Variants in AGRN observed in about 807,000 individuals in gnomAD.
The protein encoded by AGRN is agrin, also known as agrin proteoglycan.
A neutral mutation model predicts 211.0 loss-of-function variants in AGRN; 106 were observed. The observed-to-expected ratio is 0.50, with a 90% CI of 0.43 to 0.59. The LOEUF (loss-of-function observed/expected upper bound fraction) is 0.59, where lower values mean the gene tolerates loss of function less well. AGRN is among the 20% of genes least tolerant of loss of function. AGRN has a pLI of 0.00. For synonymous variants in AGRN, 1,525 were observed against 1,332.5 expected (o/e 1.14, Z -3.15); for missense variants, 3,040 against 2,982.6 (o/e 1.02, Z -0.45).
At chr1:1,047,143 T>C in intron 19 of AGRN, 184 bp from the exon 20 acceptor site, 1 of 1,342,424 alleles carries the variant, frequency 7.4e-7, no homozygotes, top group Non-Finnish European at 1.0e-6. Flanking sequence ...TGTGGCACAC[T>C]GCTCTGAGGA....
Position 1,043,583 on chromosome 1 carries a change from C to T in AGRN, c.1649C>T (p.Thr550Ile), listed in dbSNP as rs1213071626. The T allele has an allele frequency of 1.9e-6, 3 of 1,605,118 alleles. No individual in the cohort carries two copies. The highest frequency in any genetic ancestry group is 8.5e-7 in the Non-Finnish European group (1 of 1,179,794). ...CRFGALCEAE[T>I]GRCVCPSECV... ...TTTGGAGCCCTGTGCGAGGCCGAGACCGGGCGCTGCGTGTGCCCCTCTGAA... is the reference window on the plus strand; with the variant it reads ...TTTGGAGCCCTGTGCGAGGCCGAGATCGGGCGCTGCGTGTGCCCCTCTGAA... The change falls in exon 9 of 36, where the codon ACC becomes ATC. Residue 550 changes from threonine (T) to isoleucine (I), a missense_variant. Thr to Ile is a moderately conservative substitution (Grantham distance 89, BLOSUM62 -1). Around this residue, in one of 3 missense-constraint regions of AGRN, gnomAD observed 1,498 missense variants for 1,457.8 expected, o/e 1.03. Transcript: ENST00000379370.
Position 1,041,591 on chromosome 1 carries a change from G to T in AGRN, c.1066G>T (p.Val356Leu), listed in dbSNP as rs868214586. The change falls in exon 6 of 36, where the codon GTG becomes TTG. Residue 356 changes from valine to leucine, a missense_variant. Coordinates refer to ENST00000379370, the MANE Select transcript of AGRN (RefSeq NM_198576.4). Reference protein sequence around the residue: ...PESCPARQAPVCGDDGVTYEN... With the variant: ...PESCPARQAPLCGDDGVTYEN... The stretch of plus-strand genomic sequence containing the variant: ...GAGCTGCCCTGCCCGGCAGGCGCCA[G>T]TGTGTGGGGACGACGGAGTCACCTA... 4 of 1,611,170 alleles carry T rather than the reference G, an allele frequency of 2.5e-6. No individual in the cohort carries two copies. The Middle Eastern group carries it at 6.6e-4, about 266-fold the overall frequency.
chr1:1,027,390 A>C (rs1644543916), intron 2 of AGRN, among the ~76,000 whole-genome samples: 2 of 152,160 alleles, frequency 1.3e-5, no homozygotes, highest in Admixed American at 1.3e-4. Flanking sequence ...CTGGTGCTGC[A>C]GGTGTGAGGC....
intron 33 of AGRN, chr1:1,053,516 T>A (rs1229335299): frequency 6.5e-7 from 1 of 1,527,684 alleles, no homozygotes; most frequent in South Asian, 1.2e-5. Context: ...CAGCAGTGCC[T>A]GCAGACCCCT....
intron 19 of AGRN, 50 bp downstream of exon 19, chr1:1,047,007 C>T (rs926101338): frequency 1.0e-5 from 16 of 1,551,906 alleles, no homozygotes; most frequent in Middle Eastern, 2.0e-4. Flanking sequence ...TGGGCTCGGC[C>T]GAGGTGCTGC....
At position 1,020,264 on chromosome 1, in the gene AGRN, G is replaced by T. The variant is rs2100555629; in HGVS notation, c.92G>T (p.Cys31Phe). ...ACVLPGAGGTCPERALERREE... is the reference protein window; with the variant it reads ...ACVLPGAGGTFPERALERREE... ...GTCCTGCCCGGAGCCGGCGGGACAT[G>T]CCCGGAGCGCGCGCTGGAGCGGCGC... The change falls in exon 1 of 36, where the codon TGC (cysteine) becomes TTC (phenylalanine). Residue 31 changes from cysteine to phenylalanine, a missense_variant. By Grantham distance (205) the Cys-to-Phe change is radical. Transcript: ENST00000379370. The T allele has an allele frequency of 2.7e-6, 4 of 1,467,160 alleles. No individual in the cohort carries two copies. The highest frequency in any genetic ancestry group is 3.6e-6 in the Non-Finnish European group (4 of 1,109,586). 90.9% of individuals were successfully genotyped at this position (1,467,160 alleles called of 1,614,324 possible).
rs201286940 is a variant in AGRN at position 1,050,536 on chromosome 1, C to T, written c.5086C>T (p.Arg1696Trp). The T allele has an allele frequency of 2.5e-5, 41 of 1,612,536 alleles. No homozygotes were observed. The highest frequency in any genetic ancestry group is 5.5e-5 in the South Asian group (5 of 91,066). ...GKGDFVSLAL[R>W]DRRLEFRYDL... is the part of the protein sequence containing the mutation. The stretch of plus-strand genomic sequence containing the variant: ...GGGGGACTTCGTGTCGCTGGCACTG[C>T]GGGACCGCCGCCTGGAGTTCCGCTA... Residue 1696 changes from arginine to tryptophan, a missense_variant, in exon 29 of 36, where the codon CGG (arginine) becomes TGG (tryptophan). This residue lies in a region of AGRN where 1,537 missense variants were observed against 1,505.0 expected (regional missense o/e 1.02). Coordinates refer to ENST00000379370, the MANE Select transcript of AGRN (RefSeq NM_198576.4).
At chr1:1,047,516 C>T (rs1210139034) in intron 20 of AGRN, 57 bp from the exon 21 acceptor site, 2 of 1,612,854 alleles carry the variant, frequency 1.2e-6, no homozygotes, top group Non-Finnish European at 1.7e-6. Context: ...CCCAGAGCAG[C>T]ACCAGGGCAG....
At position 1,031,338 on chromosome 1, in the gene AGRN, G is replaced by A. The variant is rs879905181; in HGVS notation, c.464-3939G>A. 2.6e-5 allele frequency among the ~76,000 whole-genome samples: 4 copies of A among 152,152 alleles called. No individual in the cohort carries two copies. The highest frequency in any genetic ancestry group is 6.5e-5 in the Admixed American group (1 of 15,274). ...GCTGTGAGTGTGAGATCAGGGACCA[G>A]GGGGCTAGTACTCTTTCCTGCACAT... On this transcript the variant is annotated intron_variant, in intron 2 of 35. Transcript: ENST00000379370. This position sits in a 1 kb window ranked among gnomAD's most constrained non-coding sequence, Gnocchi z 4.8.
Position 1,037,922 on chromosome 1 carries a change from C to T in AGRN, c.511+2598C>T, listed in dbSNP as rs1644839007. On this transcript the variant is annotated intron_variant, in intron 3 of 35. Transcript: ENST00000379370. The stretch of plus-strand genomic sequence containing the variant: ...ACGTGCACCTGTCTTCAGGTGATCT[C>T]GTGTGGAGCCTCTATGATCCCCTAG... Among the ~76,000 whole-genome samples the T allele has an allele frequency of 2.0e-5, 3 of 152,162 alleles. No homozygotes were observed. In the South Asian group the frequency reaches 6.2e-4, roughly 32 times the overall value.
At position 1,054,069 on chromosome 1, in the gene AGRN, C is replaced by T. The variant is rs148377856; in HGVS notation, c.5876+92C>T. ...TGTCCAGTCACTTGTGACCAGGGGT[C>T]AGGGAGGACACGCCTTGCTGCCTGA... On this transcript the variant is annotated intron_variant, in intron 34 of 35. Transcript: ENST00000379370. 520 of 1,374,918 alleles carry T rather than the reference C, an allele frequency of 3.8e-4. 4 individuals carry two copies. The African/African-American group carries it at 6.5e-3, about 17-fold the overall frequency. The allele number at this position is 1,374,918 out of a possible 1,614,324, so 85.2% of individuals were successfully genotyped here. A position where few individuals can be genotyped will look rare whatever the true frequency, so the allele number is the denominator to read the frequency against.
At position 1,049,649 on chromosome 1, in the gene AGRN, G is replaced by T. The variant is rs747516561; in HGVS notation, c.4598G>T (p.Gly1533Val). 6.3e-7 allele frequency: 1 copy of T among 1,584,250 alleles called. No homozygotes were observed. The highest frequency in any genetic ancestry group is 1.1e-5 in the South Asian group (1 of 87,386). The change falls in exon 26 of 36, where the codon GGC (glycine) becomes GTC (valine). Residue 1533 changes from glycine to valine, a missense_variant. Physicochemically the swap from Gly to Val is moderately radical, Grantham distance 109. Transcript: ENST00000379370. ...LDVNNQRLEL[G>V]IGPGAATRGS... ...GTCAACAACCAGCGCCTGGAGCTTG[G>T]CATTGGGCCGGGGGCTGCCACCCGA... is the stretch of plus-strand genomic sequence containing the variant.
chr1:1,022,938 G>C (rs1415214490), intron 2 of AGRN, among the ~76,000 whole-genome samples: 1 of 152,264 alleles, frequency 6.6e-6, no homozygotes, highest in Non-Finnish European at 1.5e-5. Flanking sequence ...ATTTGCCATC[G>C]TGAGGTCTTG....
chr1:1,045,345 C>T lies in AGRN; in HGVS notation c.2372-14C>T, dbSNP rs1049480310. On this transcript the variant is annotated splice_polypyrimidine_tract_variant and intron_variant, in intron 13 of 35. Transcript: ENST00000379370. ...TGTGCGGCCACGTGACCTTGTCCTG[C>T]CCTGGCCTTTCAGGTGCCTGCCAGT... 7 of 1,611,914 alleles carry T rather than the reference C, an allele frequency of 4.3e-6. No homozygotes were observed. Among genetic ancestry groups the T allele is most frequent in the Middle Eastern group, 1.7e-4 (1 of 6,060 alleles).
At chr1:1,024,574 G>A (rs948633234) in intron 2 of AGRN, among the ~76,000 whole-genome samples, 2 of 152,048 alleles carry the variant, frequency 1.3e-5, no homozygotes, top group African/African-American at 4.8e-5. Context: ...TGGAGACAAA[G>A]GCCCCTCCGA....
chr1:1,055,523 A>G lies in AGRN; in HGVS notation c.*542A>G, dbSNP rs1177410344. 2 of 211,088 alleles carry G rather than the reference A, an allele frequency of 9.5e-6. No individual in the cohort carries two copies. Among genetic ancestry groups the G allele is most frequent in the African/African-American group, 2.3e-5 (1 of 43,040 alleles). 13.1% of individuals were successfully genotyped at this position (211,088 alleles called of 1,614,324 possible). On this transcript the variant is annotated 3_prime_UTR_variant, in exon 36 of 36. Coordinates refer to ENST00000379370, the MANE Select transcript of AGRN (RefSeq NM_198576.4). ...CTCCCGTGCTGCCTGCGCCAGCCCC[A>G]GGCTGCTGAGGAGCAGAGGCCAGAC...
At chr1:1,044,535 CT>C in intron 12 of AGRN, 96 bp downstream of exon 12, 1 of 1,273,864 alleles carries the variant, frequency 7.9e-7, no homozygotes, top group Non-Finnish European at 1.1e-6. Flanking sequence ...CGTTGGGCCC[CT>C]GTGGACGTGT....
In AGRN at chr1:1,043,593, C is replaced by T. The variant is rs541915367; in HGVS notation, c.1659C>T (p.Cys553=). Residue 553 remains cysteine, a synonymous_variant, in exon 9 of 36, where the codon TGC becomes TGT. Transcript: ENST00000379370. ...GALCEAETGR[C]VCPSECVALA... is the part of the protein sequence containing the mutation. ...TGTGCGAGGCCGAGACCGGGCGCTG[C>T]GTGTGCCCCTCTGAATGCGTGGCTT... 128 of 1,605,068 alleles carry T rather than the reference C, an allele frequency of 8.0e-5. 1 individual carries two copies. The South Asian group carries it at 1.1e-3, about 14-fold the overall frequency.
rs538209094 is a variant in AGRN at position 1,055,759 on chromosome 1, T to C, written c.*778T>C. ...TGATTTTATTTGACCCCTGGAGTGG[T>C]GGGTCTCATCTTTCCCATCTCGCCT... On this transcript the variant is annotated 3_prime_UTR_variant, in exon 36 of 36. Transcript: ENST00000379370. 3 of 152,964 alleles carry C rather than the reference T, an allele frequency of 2.0e-5. No homozygotes were observed. The highest frequency in any genetic ancestry group is 2.1e-4 in the South Asian group (1 of 4,860). The allele number at this position is 152,964 out of a possible 1,614,324, so 9.5% of individuals were successfully genotyped here.
Sources: gnomAD v4.1 joint callset for allele counts (sites outside exome capture counted in the v4.1 genomes callset) on GRCh38, gnomAD v4.1.1 for gene constraint, gnomAD v4.1.1 regional missense constraint, Gnocchi (gnomAD v3.1) non-coding constraint, MANE v1.5 for transcripts, NCBI Gene and HGNC (gene_info 2026-07-23, HGNC 2026-07-21) for gene names.